MRPS9: variants seen among roughly 807,000 people sequenced by gnomAD.
MRPS9 encodes small ribosomal subunit protein uS9m.
MRPS9 carries 45 observed loss-of-function variants against 59.9 expected under a neutral mutation model. That is an observed-to-expected ratio of 0.75 (90% CI 0.59 to 0.96). The LOEUF (loss-of-function observed/expected upper bound fraction) is 0.96, where lower values mean the gene tolerates loss of function less well. Among genes scored for constraint, MRPS9 ranks in the 40% least tolerant of loss-of-function variants. MRPS9 has a pLI of 0.00. For missense variants in MRPS9, 473 were observed against 481.1 expected (o/e 0.98, Z 0.16); for synonymous variants, 171 against 166.8 (o/e 1.03, Z -0.19).
intron 5 of MRPS9, among the ~76,000 whole-genome samples, chr2:105,086,018 A>G (rs549911032): frequency 6.6e-6 from 1 of 152,276 alleles, no homozygotes; most frequent in Middle Eastern, 3.4e-3. Flanking sequence ...TGTTGTCTCT[A>G]ACTAACCAAG....
intron 7 of MRPS9, 178 bp from the exon 8 acceptor site, chr2:105,092,223 G>A (rs775398136): frequency 2.1e-4 from 92 of 448,140 alleles, no homozygotes; most frequent in East Asian, 4.3e-4. Context: ...CTAAAGATAC[G>A]CAGGAAAAGT....
At chr2:105,098,208 C>A (rs1322960855) in intron 10 of MRPS9, 1 of 152,238 alleles carries the variant, frequency 6.6e-6, no homozygotes. Context: ...CCTTAGACTA[C>A]TGCTTTAGAA....
intron 4 of MRPS9, among the ~76,000 whole-genome samples, chr2:105,072,285 G>A (rs949319787): frequency 2.0e-5 from 3 of 152,006 alleles, no homozygotes; most frequent in Non-Finnish European, 2.9e-5. Flanking sequence ...ATGCATCATC[G>A]CAGTCTTTCA....
At position 105,084,251 on chromosome 2, in the gene MRPS9, T is replaced by TAG. The variant is rs1478098309; in HGVS notation, c.489+4190_489+4191insGA. Among the ~76,000 whole-genome samples, 6 of 147,038 alleles carry TAG rather than the reference T, an allele frequency of 4.1e-5. 1 individual carries two copies. The highest frequency in any genetic ancestry group is 4.2e-4 in the South Asian group (2 of 4,712). On this transcript the variant is annotated intron_variant, in intron 5 of 10. Transcript: ENST00000258455. The stretch of plus-strand genomic sequence containing the variant: ...CACAGATGAAATATATACCAAAATA[T>TAG]ATATATATATATATATATGTAAAAT...
At chr2:105,049,593 A>G (rs1233830114) in intron 2 of MRPS9, among the ~76,000 whole-genome samples, 1 of 152,184 alleles carries the variant, frequency 6.6e-6, no homozygotes, top group Non-Finnish European at 1.5e-5. Flanking sequence ...ACTATTGGGA[A>G]ATGTTTAACC....
chr2:105,044,696 C>G (rs1679563508), intron 1 of MRPS9, among the ~76,000 whole-genome samples: 1 of 152,120 alleles, frequency 6.6e-6, no homozygotes, highest in Admixed American at 6.5e-5. Context: ...TATAGGCAGA[C>G]ACAATTTTAA....
At chr2:105,039,732 C>T (rs1177914155) in intron 1 of MRPS9, among the ~76,000 whole-genome samples, 1 of 152,152 alleles carries the variant, frequency 6.6e-6, no homozygotes, top group Non-Finnish European at 1.5e-5. Flanking sequence ...GTTAATGTAA[C>T]AATTGATGGA....
At chr2:105,045,612 G>GA (rs1035350268) in intron 1 of MRPS9, among the ~76,000 whole-genome samples, 3 of 151,346 alleles carry the variant, frequency 2.0e-5, no homozygotes, top group Middle Eastern at 3.2e-3. Flanking sequence ...CAGAATTGAA[G>GA]AAAAAAAATA....
At chr2:105,055,703 A>T (rs1247840140) in intron 2 of MRPS9, among the ~76,000 whole-genome samples, 1 of 152,226 alleles carries the variant, frequency 6.6e-6, no homozygotes, top group African/African-American at 2.4e-5. Flanking sequence ...AAAGAATTAA[A>T]ATTATATACT....
intron 2 of MRPS9, among the ~76,000 whole-genome samples, chr2:105,066,130 TTTTA>T: frequency 6.6e-6 from 1 of 152,330 alleles, no homozygotes; most frequent in East Asian, 1.9e-4. Context: ...AACTGGCTTA[TTTTA>T]TTTCCTATTC....
At chr2:105,048,164 T>A (rs1177663549) in intron 1 of MRPS9, among the ~76,000 whole-genome samples, 2 of 152,014 alleles carry the variant, frequency 1.3e-5, no homozygotes, top group African/African-American at 4.8e-5. Flanking sequence ...TGGAATACTA[T>A]GCAGCCATAA....
intron 2 of MRPS9, among the ~76,000 whole-genome samples, chr2:105,070,043 C>A (rs372939422): frequency 7.2e-5 from 11 of 151,892 alleles, no homozygotes; most frequent in African/African-American, 2.4e-4. Context: ...TTTTTCCCTG[C>A]AGCAAAGGAA....
At chr2:105,086,217 G>A (rs1246783248) in intron 5 of MRPS9, among the ~76,000 whole-genome samples, 19 of 152,176 alleles carry the variant, frequency 1.2e-4, no homozygotes, top group Admixed American at 1.2e-3. Flanking sequence ...AGTGTATGGA[G>A]TGGCTTAATG....
intron 2 of MRPS9, among the ~76,000 whole-genome samples, chr2:105,062,881 T>C (rs891504961): frequency 5.3e-5 from 8 of 152,224 alleles, no homozygotes; most frequent in African/African-American, 1.4e-4. Context: ...ATGTTAGGAT[T>C]GCGCCCTTCA....
Position 105,099,916 on chromosome 2 carries a change from G to T in MRPS9, c.*155G>T. 1 of 517,824 alleles carries T rather than the reference G, an allele frequency of 1.9e-6. No individual in the cohort carries two copies. Among genetic ancestry groups the T allele is most frequent in the Non-Finnish European group, 3.4e-6 (1 of 296,474 alleles). The allele number at this position is 517,824 out of a possible 1,614,324, so 32.1% of individuals were successfully genotyped here. ...TTATTTTTAAATGCTACTTTGTAAAGGTGACCTTTAAAAAATAAAAGGAAA... is the reference window on the plus strand; with the variant it reads ...TTATTTTTAAATGCTACTTTGTAAATGTGACCTTTAAAAAATAAAAGGAAA... On this transcript the variant is annotated 3_prime_UTR_variant, in exon 11 of 11. Coordinates refer to ENST00000258455, the MANE Select transcript of MRPS9 (RefSeq NM_182640.3).
intron 1 of MRPS9, 84 bp downstream of exon 1, chr2:105,038,311 G>T: frequency 2.6e-6 from 4 of 1,532,158 alleles, no homozygotes; most frequent in Middle Eastern, 1.9e-4. Context: ...CCAGCGTCTC[G>T]CGTGCCTTCA....
intron 2 of MRPS9, among the ~76,000 whole-genome samples, chr2:105,066,005 G>C (rs58286702): frequency 0.22 from 32,861 of 152,080 alleles, 3,594 homozygotes; most frequent in Middle Eastern, 0.35. Flanking sequence ...GAGATAAATG[G>C]AAGTAATAGG....
At chr2:105,092,270 A>T in intron 7 of MRPS9, 131 bp from the exon 8 acceptor site, 1 of 691,014 alleles carries the variant, frequency 1.4e-6, no homozygotes, top group Non-Finnish European at 2.2e-6. Flanking sequence ...CAGCGTGAAG[A>T]TGCAGAAGTG....
chr2:105,064,276 C>G (rs536851280), intron 2 of MRPS9, among the ~76,000 whole-genome samples: 1 of 151,974 alleles, frequency 6.6e-6, no homozygotes, highest in Non-Finnish European at 1.5e-5. Flanking sequence ...GGATGAGACC[C>G]GAAAGTAGGT....
Sources: allele counts gnomAD v4.1 joint callset (sites outside exome capture counted in the v4.1 genomes callset), GRCh38; gene constraint gnomAD v4.1.1; transcripts MANE v1.5; gene names NCBI Gene and HGNC (gene_info 2026-07-23, HGNC 2026-07-21).